The following EIF3L variants were observed in gnomAD, a reference collection of about 807,000 sequenced individuals.
EIF3L encodes the protein eukaryotic translation initiation factor 3 subunit L, also known as eIEF associated protein HSPC021.
In EIF3L, 32 loss-of-function variants were observed where a neutral mutation model predicts 74.6. The observed-to-expected ratio is 0.43, with a 90% CI of 0.32 to 0.58. EIF3L has a LOEUF of 0.58. Among genes scored for constraint, EIF3L ranks in the 20% least tolerant of loss-of-function variants. EIF3L has a pLI of 0.06. For synonymous variants in EIF3L, 256 were observed against 254.4 expected (o/e 1.01, Z -0.06); for missense variants, 474 against 707.8 (o/e 0.67, Z 3.75).
In EIF3L at chr22:37,851,510, A is replaced by G. The variant is rs1367322392; in HGVS notation, c.293+20A>G. 2 of 1,416,722 alleles carry G rather than the reference A, an allele frequency of 1.4e-6. No homozygotes were observed. Among genetic ancestry groups the G allele is most frequent in the Non-Finnish European group, 1.9e-6 (2 of 1,061,428 alleles). The allele number at this position is 1,416,722 out of a possible 1,614,324, so 87.8% of individuals were successfully genotyped here. A position where few individuals can be genotyped will look rare whatever the true frequency, so the allele number is the denominator to read the frequency against. On this transcript the variant is annotated intron_variant, in intron 3 of 12. Coordinates refer to ENST00000652021, the MANE Select transcript of EIF3L (RefSeq NM_016091.4). ...GAACAGGTATGGGCTACTGGCTGAA[A>G]GGGCCTCTTTCTGGGTGGGACTGGC...
chr22:37,886,538 C>A, intron 11 of EIF3L: 1 of 306,550 alleles, frequency 3.3e-6, no homozygotes, highest in Non-Finnish European at 6.4e-6. Flanking sequence ...CATTGCACTC[C>A]AGCCTGGGCG....
chr22:37,872,785 AT>A (rs951478746), intron 8 of EIF3L, among the ~76,000 whole-genome samples: 1 of 148,092 alleles, frequency 6.8e-6, no homozygotes, highest in East Asian at 2.0e-4. Flanking sequence ...TACCTGGCTG[AT>A]TTTTTTTTCT....
At chr22:37,851,571 C>G (rs775599979) in intron 3 of EIF3L, 81 bp downstream of exon 3, 66 of 617,046 alleles carry the variant, frequency 1.1e-4, no homozygotes, top group Non-Finnish European at 1.4e-4. Flanking sequence ...GGTGAGCACT[C>G]TGTAAACAGT....
intron 4 of EIF3L, among the ~76,000 whole-genome samples, chr22:37,857,379 A>C (rs1258798230): frequency 6.6e-6 from 1 of 150,770 alleles, no homozygotes; most frequent in Non-Finnish European, 1.5e-5. Context: ...CAAAAAAAAA[A>C]AAAAAAAAAA....
At chr22:37,866,855 A>G (rs904099571) in intron 7 of EIF3L, among the ~76,000 whole-genome samples, 1 of 152,150 alleles carries the variant, frequency 6.6e-6, no homozygotes, top group Non-Finnish European at 1.5e-5. Flanking sequence ...TTAATATACA[A>G]TAAAATGTAC....
intron 5 of EIF3L, among the ~76,000 whole-genome samples, chr22:37,859,395 T>TTTTTTTTTTTA (rs61227504): frequency 1.6e-5 from 2 of 122,960 alleles, no homozygotes; most frequent in East Asian, 2.8e-4. Flanking sequence ...TTTTTTTTTT[T>TTTTTTTTTTTA]GAGAGAGAGT....
intron 3 of EIF3L, among the ~76,000 whole-genome samples, chr22:37,853,229 G>T (rs958175740): frequency 6.6e-6 from 1 of 152,074 alleles, no homozygotes; most frequent in Non-Finnish European, 1.5e-5. Flanking sequence ...TGTACGGGTC[G>T]ACAGCATCCT....
intron 11 of EIF3L, chr22:37,885,074 A>T (rs1481711271): frequency 6.6e-6 from 1 of 151,826 alleles, no homozygotes; most frequent in Non-Finnish European, 1.5e-5. Flanking sequence ...CTGCACCACC[A>T]CATCTTGCTA....
intron 2 of EIF3L, 46 bp from the exon 3 acceptor site, chr22:37,851,234 T>C: frequency 1.9e-6 from 3 of 1,553,918 alleles, no homozygotes; most frequent in Non-Finnish European, 2.7e-6. Context: ...TTCTATCATA[T>C]ATGTGGGTTT....
chr22:37,855,084 T>G (rs1213718267), intron 3 of EIF3L, among the ~76,000 whole-genome samples: 1 of 152,188 alleles, frequency 6.6e-6, no homozygotes. Flanking sequence ...TTAAACAACC[T>G]GTTGCAGGTT....
chr22:37,888,478 C>A lies in EIF3L; in HGVS notation c.*14C>A. 1 of 1,613,158 alleles carries A rather than the reference C, an allele frequency of 6.2e-7. No individual in the cohort carries two copies. The highest frequency in any genetic ancestry group is 8.5e-7 in the Non-Finnish European group (1 of 1,179,862). ...CAGAGACCTTGATGATATTCACACA[C>A]ATTCAGGAACCTGTTTTGATGTATT... is the stretch of plus-strand genomic sequence containing the variant. On this transcript the variant is annotated 3_prime_UTR_variant, in exon 13 of 13. Coordinates refer to ENST00000652021, the MANE Select transcript of EIF3L (RefSeq NM_016091.4).
At chr22:37,857,843 A>G (rs1047644620) in intron 4 of EIF3L, among the ~76,000 whole-genome samples, 3 of 151,758 alleles carry the variant, frequency 2.0e-5, no homozygotes, top group Non-Finnish European at 2.9e-5. Context: ...CTGAACATTT[A>G]CTCTCAATTG....
intron 11 of EIF3L, chr22:37,879,797 C>T (rs1281728465): frequency 6.6e-6 from 1 of 150,700 alleles, no homozygotes; most frequent in African/African-American, 2.4e-5. Flanking sequence ...TGCCACTGCA[C>T]AAAGCTTTTT....
chr22:37,859,024 G>A (rs747282569), intron 5 of EIF3L, among the ~76,000 whole-genome samples: 1 of 151,662 alleles, frequency 6.6e-6, no homozygotes, highest in Non-Finnish European at 1.5e-5. Context: ...CAGCCTCATA[G>A]GATATTTCCA....
At chr22:37,863,226 CAG>C in intron 6 of EIF3L, 44 bp from the exon 7 acceptor site, 7 of 1,520,002 alleles carry the variant, frequency 4.6e-6, no homozygotes, top group Non-Finnish European at 6.3e-6. Context: ...ACAGAATGGG[CAG>C]AGTCATTGCT....
At chr22:37,868,435 C>A (rs1217299593) in intron 7 of EIF3L, among the ~76,000 whole-genome samples, 1 of 150,010 alleles carries the variant, frequency 6.7e-6, no homozygotes, top group Non-Finnish European at 1.5e-5. Flanking sequence ...CCTGAGAATT[C>A]TTTATATATT....
rs1272258341 is a variant in EIF3L at position 37,875,995 on chromosome 22, C to T, written c.1061C>T (p.Thr354Met). Residue 354 changes from threonine to methionine, a missense_variant, in exon 10 of 13, where the codon ACG becomes ATG. Physicochemically the swap from Thr to Met is moderately conservative, Grantham distance 81. Transcript: ENST00000652021. ...QRTKSMFQRT[T>M]YKYEMINKQN... ...ACCAAGAGCATGTTCCAGAGGACCA[C>T]GTACAAGTATGAGATGGTAAGGGGG... The T allele has an allele frequency of 3.1e-6, 5 of 1,613,756 alleles. No homozygotes were observed. Among genetic ancestry groups the T allele is most frequent in the African/African-American group, 1.3e-5 (1 of 75,018 alleles).
intron 3 of EIF3L, 106 bp from the exon 4 acceptor site, chr22:37,855,459 A>C: frequency 1.0e-6 from 1 of 993,144 alleles, no homozygotes; most frequent in Non-Finnish European, 1.5e-6. Context: ...AGCTCTGTTT[A>C]TTTGACATCT....
rs1262510622 is a variant in EIF3L, at chr22:37,851,414, G to A, written c.217G>A (p.Glu73Lys). Residue 73 changes from glutamate (E) to lysine (K), a missense_variant, in exon 3 of 13, where the codon GAG (glutamate) becomes AAG (lysine). Around this residue, in one of 4 missense-constraint regions of EIF3L, gnomAD observed 141 missense variants for 197.7 expected, o/e 0.71. Coordinates refer to ENST00000652021, the MANE Select transcript of EIF3L (RefSeq NM_016091.4). ...AGATTTGATTGACCAGAAAGTGTAT[G>A]AGCTACAGGCCAGTCGTGTCTCCAG... is the stretch of plus-strand genomic sequence containing the variant. ...VSDLIDQKVY[E>K]LQASRVSSDV... The A allele has an allele frequency of 2.5e-6, 4 of 1,614,000 alleles. No individual in the cohort carries two copies. The highest frequency in any genetic ancestry group is 3.4e-6 in the Non-Finnish European group (4 of 1,180,026).
Sources: allele counts gnomAD v4.1 joint callset (sites outside exome capture counted in the v4.1 genomes callset), GRCh38; gene constraint gnomAD v4.1.1; regional missense constraint gnomAD v4.1.1; transcripts MANE v1.5; gene names NCBI Gene and HGNC (gene_info 2026-07-23, HGNC 2026-07-21).